Variants in ASCC3 observed in about 807,000 individuals in gnomAD.
The protein encoded by ASCC3 is ASC-1 complex subunit P200.
ASCC3 carries 158 observed loss-of-function variants against 256.3 expected under a neutral mutation model. The observed-to-expected ratio is 0.62, with a 90% CI of 0.54 to 0.70. ASCC3 has a LOEUF of 0.70. Ranked by LOEUF, ASCC3 falls within the 30% of genes least tolerant of loss-of-function variation. The probability of loss-of-function intolerance (pLI) is 0.00; values close to 1 mark genes in which losing one functional copy is unlikely to be tolerated. For missense variants in ASCC3, 2,259 were observed against 2,626.0 expected (o/e 0.86, Z 3.05); for synonymous variants, 948 against 883.4 (o/e 1.07, Z -1.30).
At chr6:100,747,771 T>C (rs758156507) in intron 10 of ASCC3, among the ~76,000 whole-genome samples, 2 of 152,102 alleles carry the variant, frequency 1.3e-5, no homozygotes, top group Non-Finnish European at 2.9e-5. Flanking sequence ...GTGATGATGG[T>C]TCCATAGGTA....
chr6:100,512,948 G>A (rs1460144006), intron 39 of ASCC3, 30 bp from the exon 40 acceptor site: 6 of 1,586,812 alleles, frequency 3.8e-6, no homozygotes, highest in Non-Finnish European at 5.2e-6. Context: ...AAACAATAAA[G>A]GAGGAGTTTA....
intron 10 of ASCC3, among the ~76,000 whole-genome samples, chr6:100,737,848 G>A (rs1780254922): frequency 6.6e-6 from 1 of 152,176 alleles, no homozygotes; most frequent in Admixed American, 6.5e-5. Flanking sequence ...TCCACCAACA[G>A]TGTAAAAGCA....
intron 4 of ASCC3, among the ~76,000 whole-genome samples, chr6:100,839,626 T>C (rs899149757): frequency 6.6e-6 from 1 of 152,174 alleles, no homozygotes; most frequent in Non-Finnish European, 1.5e-5. Context: ...AGCATGTTCT[T>C]CTAAATCTTC....
rs1562161657 is a variant in ASCC3, at chr6:100,608,212, T to TATATATGTGTGTG, written c.4786-1125_4786-1124insCACACACATATAT. Among the ~76,000 whole-genome samples, 40 of 55,972 alleles carry TATATATGTGTGTG rather than the reference T, an allele frequency of 7.1e-4. 4 individuals carry two copies. Among genetic ancestry groups the TATATATGTGTGTG allele is most frequent in the African/African-American group, 2.4e-3 (28 of 11,642 alleles). 36.7% of individuals were successfully genotyped at this position (55,972 alleles called of 152,430 possible). On this transcript the variant is annotated intron_variant, in intron 30 of 41. Transcript: ENST00000369162. ...TATATATATACTTTATATATATACT[T>TATATATGTGTGTG]TATATATATACTTTATATACTTTAT... is the stretch of plus-strand genomic sequence containing the variant.
Position 100,628,102 on chromosome 6 carries a change from AC to A in ASCC3, c.4376-116del, listed in dbSNP as rs754939209. 122 of 1,070,536 alleles carry A rather than the reference AC, an allele frequency of 1.1e-4. 2 individuals carry two copies. Among genetic ancestry groups the A allele is most frequent in the South Asian group, 2.2e-4 (15 of 67,208 alleles). 66.3% of individuals were successfully genotyped at this position (1,070,536 alleles called of 1,614,324 possible). A position where few individuals can be genotyped will look rare whatever the true frequency, so the allele number is the denominator to read the frequency against. ...TCAAAAAACAAAAACAAAAAAAAAA[AC>A]AAAAAAAAAGCTAAAGCTAGAACTA... On this transcript the variant is annotated intron_variant, in intron 27 of 41. Transcript: ENST00000369162.
chr6:100,656,444 C>A (rs1319385226), intron 16 of ASCC3, among the ~76,000 whole-genome samples: 1 of 151,628 alleles, frequency 6.6e-6, no homozygotes, highest in African/African-American at 2.4e-5. Flanking sequence ...TTAACAAACT[C>A]ATGTACAAGA....
At chr6:100,719,604 T>C (rs1562247826) in intron 11 of ASCC3, among the ~76,000 whole-genome samples, 4 of 152,066 alleles carry the variant, frequency 2.6e-5, no homozygotes, top group African/African-American at 9.7e-5. Flanking sequence ...TACAGTTATT[T>C]AATATAGTTA....
intron 37 of ASCC3, among the ~76,000 whole-genome samples, chr6:100,533,229 T>G (rs1178578373): frequency 6.6e-6 from 1 of 152,150 alleles, no homozygotes. Context: ...TTCAACAGAA[T>G]AGTGTTTGTC....
At chr6:100,704,327 C>T (rs995540494) in intron 13 of ASCC3, among the ~76,000 whole-genome samples, 4 of 151,702 alleles carry the variant, frequency 2.6e-5, no homozygotes, top group South Asian at 2.1e-4. Flanking sequence ...AAGTGGGAAG[C>T]GGAGTAAAGA....
chr6:100,761,423 G>T (rs1781416569), intron 10 of ASCC3, among the ~76,000 whole-genome samples: 1 of 152,180 alleles, frequency 6.6e-6, no homozygotes, highest in African/African-American at 2.4e-5. Context: ...AGAAGGCTGA[G>T]GCTGCAGTGG....
intron 10 of ASCC3, among the ~76,000 whole-genome samples, chr6:100,730,634 T>G (rs1779856378): frequency 6.6e-6 from 1 of 152,184 alleles, no homozygotes; most frequent in Admixed American, 6.6e-5. Flanking sequence ...AATTTAAAGA[T>G]TAAATCTAAA....
At chr6:100,554,334 A>G (rs1769456672) in intron 36 of ASCC3, among the ~76,000 whole-genome samples, 1 of 152,146 alleles carries the variant, frequency 6.6e-6, no homozygotes, top group South Asian at 2.1e-4. Flanking sequence ...GAATAGAGGA[A>G]AGACACGACC....
At chr6:100,802,961 T>C (rs1257562925) in intron 5 of ASCC3, among the ~76,000 whole-genome samples, 1 of 152,066 alleles carries the variant, frequency 6.6e-6, no homozygotes, top group East Asian at 1.9e-4. Flanking sequence ...TGATCCCTGA[T>C]TGTGCCACTG....
chr6:100,513,610 A>G (rs1448820112), intron 39 of ASCC3, among the ~76,000 whole-genome samples: 6 of 152,208 alleles, frequency 3.9e-5, no homozygotes, highest in Non-Finnish European at 7.4e-5. Flanking sequence ...AAGGAATTCT[A>G]TAAGTCTAGG....
At chr6:100,778,543 C>T (rs1782297549) in intron 8 of ASCC3, among the ~76,000 whole-genome samples, 1 of 151,992 alleles carries the variant, frequency 6.6e-6, no homozygotes, top group African/African-American at 2.4e-5. Context: ...TAGGGTTTAT[C>T]AACTGTATTT....
intron 17 of ASCC3, 113 bp from the exon 18 acceptor site, chr6:100,653,002 T>C (rs1582638285): frequency 1.0e-6 from 1 of 967,184 alleles, no homozygotes; most frequent in African/African-American, 1.7e-5. Flanking sequence ...TTAGACTTTT[T>C]AATTACAATT....
At chr6:100,544,432 A>G (rs1229025489) in intron 36 of ASCC3, among the ~76,000 whole-genome samples, 2 of 152,106 alleles carry the variant, frequency 1.3e-5, no homozygotes, top group Non-Finnish European at 2.9e-5. Context: ...CAAACAGATC[A>G]GGGAAAAAGG....
chr6:100,874,273 C>G (rs1430614886), intron 1 of ASCC3, among the ~76,000 whole-genome samples: 1 of 151,968 alleles, frequency 6.6e-6, no homozygotes, highest in Non-Finnish European at 1.5e-5. Flanking sequence ...TGAGACCATC[C>G]TGGCCAACAT....
At chr6:100,621,050 G>A (rs2114845300) in intron 30 of ASCC3, among the ~76,000 whole-genome samples, 1 of 152,238 alleles carries the variant, frequency 6.6e-6, no homozygotes, top group East Asian at 1.9e-4. Flanking sequence ...TTATTCTTCA[G>A]ATGGGCGCGG....
Sources: gnomAD v4.1 joint callset for allele counts (sites outside exome capture counted in the v4.1 genomes callset) on GRCh38, gnomAD v4.1.1 for gene constraint, MANE v1.5 for transcripts, NCBI Gene and HGNC (gene_info 2026-07-23, HGNC 2026-07-21) for gene names.